IMMP2L: variants seen among roughly 807,000 people sequenced by gnomAD.
IMMP2L encodes mitochondrial inner membrane protease subunit 2.
In IMMP2L, 18 loss-of-function variants were observed where a neutral mutation model predicts 19.3. The observed-to-expected ratio is 0.93, with a 90% CI of 0.64 to 1.38. The LOEUF is 1.38. IMMP2L is among the 40% of genes most tolerant of loss of function. The probability of loss-of-function intolerance (pLI) is 0.00; values close to 1 mark genes in which losing one functional copy is unlikely to be tolerated. For synonymous variants in IMMP2L, 76 were observed against 73.0 expected (o/e 1.04, Z -0.21); for missense variants, 233 against 218.2 (o/e 1.07, Z -0.43).
chr7:111,035,718 A>G (rs936965220), intron 3 of IMMP2L, among the ~76,000 whole-genome samples: 6 of 152,210 alleles, frequency 3.9e-5, no homozygotes, highest in African/African-American at 1.4e-4. Flanking sequence ...ACATCACGTT[A>G]GATAACAATA....
intron 4 of IMMP2L, among the ~76,000 whole-genome samples, chr7:110,910,509 G>A (rs547401074): frequency 2.6e-5 from 4 of 152,248 alleles, no homozygotes; most frequent in East Asian, 3.9e-4. Context: ...TAATAGAAGC[G>A]TTGAATTTTG....
Position 111,030,756 on chromosome 7 carries a change from A to G in IMMP2L, c.240-67191T>C, listed in dbSNP as rs191380814. Among the ~76,000 whole-genome samples, 157 of 152,024 alleles carry G rather than the reference A, an allele frequency of 1.0e-3. 1 individual carries two copies. The highest frequency in any genetic ancestry group is 3.6e-3 in the African/African-American group (148 of 41,504). On this transcript the variant is annotated intron_variant, in intron 3 of 5. Transcript: ENST00000405709. ...TATACTTTAGAGCAAAAATGCATAC[A>G]GTAGGAACAATAAATAAAAGCAAAA... is the stretch of plus-strand genomic sequence containing the variant.
intron 4 of IMMP2L, among the ~76,000 whole-genome samples, chr7:110,961,266 G>C (rs186692669): frequency 4.6e-5 from 7 of 151,874 alleles, no homozygotes; most frequent in African/African-American, 1.7e-4. Context: ...ATCCACAGAT[G>C]CTCAAGTTCT....
At position 110,876,325 on chromosome 7, in the gene IMMP2L, G is replaced by C. The variant is rs564502663; in HGVS notation, c.408+10268C>G. 7.9e-5 allele frequency among the ~76,000 whole-genome samples: 12 copies of C among 152,180 alleles called. No homozygotes were observed. In the South Asian group the frequency reaches 1.7e-3, roughly 21 times the overall value. On this transcript the variant is annotated intron_variant, in intron 5 of 5. Coordinates refer to ENST00000405709, the MANE Select transcript of IMMP2L (RefSeq NM_032549.4). ...AGTAGAAAAGGCTGGTGAAATGAGT[G>C]GGGGGTTAGTTGACATGGATGCTAA...
chr7:111,114,133 TACACACACAC>T (rs71151831), intron 3 of IMMP2L, among the ~76,000 whole-genome samples: 3 of 146,664 alleles, frequency 2.0e-5, no homozygotes, highest in East Asian at 2.0e-4. Flanking sequence ...CACATAAATC[TACACACACAC>T]ACACACACAC....
chr7:111,023,038 C>T (rs1160886155), intron 3 of IMMP2L, among the ~76,000 whole-genome samples: 1 of 152,168 alleles, frequency 6.6e-6, no homozygotes, highest in Non-Finnish European at 1.5e-5. Context: ...AGAAGTCATA[C>T]ATAATGTAGC....
intron 3 of IMMP2L, among the ~76,000 whole-genome samples, chr7:111,072,228 C>G (rs371436787): frequency 6.6e-6 from 1 of 152,168 alleles, no homozygotes; most frequent in Non-Finnish European, 1.5e-5. Context: ...TTTACAACAT[C>G]ATAATAGTAC....
chr7:111,034,656 A>G (rs565528168), intron 3 of IMMP2L, among the ~76,000 whole-genome samples: 46 of 152,262 alleles, frequency 3.0e-4, no homozygotes, highest in Non-Finnish European at 5.1e-4. Context: ...AGTTTGTACC[A>G]TAAGAATTTG....
At chr7:111,542,350 C>T (rs982035691) in intron 1 of IMMP2L, among the ~76,000 whole-genome samples, 10 of 152,200 alleles carry the variant, frequency 6.6e-5, no homozygotes, top group Non-Finnish European at 1.2e-4. Flanking sequence ...TTTTATATCA[C>T]TATGTTAAAC....
chr7:111,226,309 A>G (rs2129622012), intron 3 of IMMP2L, among the ~76,000 whole-genome samples: 1 of 152,046 alleles, frequency 6.6e-6, no homozygotes, highest in Admixed American at 6.6e-5. Context: ...ATGTGCCACC[A>G]TGCCCAGCTA....
At chr7:111,238,352 T>C (rs1342069173) in intron 3 of IMMP2L, among the ~76,000 whole-genome samples, 1 of 152,064 alleles carries the variant, frequency 6.6e-6, no homozygotes, top group South Asian at 2.1e-4. Flanking sequence ...TGTTTGACTT[T>C]GGGCAAGTTA....
rs1807832688 is a variant in IMMP2L at position 111,182,623 on chromosome 7, G to T, written c.240-219058C>A. Among the ~76,000 whole-genome samples the T allele has an allele frequency of 1.3e-5, 2 of 151,872 alleles. 1 individual carries two copies. Among genetic ancestry groups the T allele is most frequent in the Middle Eastern group, 6.8e-3 (2 of 294 alleles). On this transcript the variant is annotated intron_variant, in intron 3 of 5. Transcript: ENST00000405709. ...TACCCACCGAAATTTTTTTCAAGTG[G>T]TATTAAAAAAATAAAGAAAGTCAAT... is the stretch of plus-strand genomic sequence containing the variant.
At chr7:111,237,689 T>C (rs1814497154) in intron 3 of IMMP2L, among the ~76,000 whole-genome samples, 1 of 151,654 alleles carries the variant, frequency 6.6e-6, no homozygotes, top group Admixed American at 6.6e-5. Context: ...ATCTGTTTCT[T>C]TAAAAAAAAA....
At chr7:111,360,721 G>A (rs1433531549) in intron 3 of IMMP2L, among the ~76,000 whole-genome samples, 1 of 152,054 alleles carries the variant, frequency 6.6e-6, no homozygotes, top group East Asian at 1.9e-4. Context: ...GGGATGCTGA[G>A]GCAGGAGAAT....
chr7:111,250,545 C>T lies in IMMP2L; in HGVS notation c.239+236693G>A, dbSNP rs576789187. The stretch of plus-strand genomic sequence containing the variant: ...TAACCAAAACGGCATGATACTGGTA[C>T]AAAAACAGAGACATAGACCAATGGA... On this transcript the variant is annotated intron_variant, in intron 3 of 5. Coordinates refer to ENST00000405709, the MANE Select transcript of IMMP2L (RefSeq NM_032549.4). Among the ~76,000 whole-genome samples the T allele has an allele frequency of 4.6e-5, 7 of 152,198 alleles. No individual in the cohort carries two copies. The South Asian group carries it at 1.5e-3, about 32-fold the overall frequency.
At chr7:111,006,509 A>C (rs1163344847) in intron 3 of IMMP2L, among the ~76,000 whole-genome samples, 1 of 152,178 alleles carries the variant, frequency 6.6e-6, no homozygotes, top group Non-Finnish European at 1.5e-5. Flanking sequence ...TCATTCACTC[A>C]TGAGGCATCT....
At chr7:111,546,535 T>C (rs930221457) in intron 1 of IMMP2L, among the ~76,000 whole-genome samples, 30 of 152,222 alleles carry the variant, frequency 2.0e-4, no homozygotes, top group Non-Finnish European at 1.5e-5. Flanking sequence ...CTTCCTATGA[T>C]ATGAATTGCA....
chr7:111,220,595 T>C (rs1432771546), intron 3 of IMMP2L, among the ~76,000 whole-genome samples: 1 of 151,196 alleles, frequency 6.6e-6, no homozygotes, highest in Non-Finnish European at 1.5e-5. Flanking sequence ...GATGGATGGA[T>C]GGATGGATGG....
intron 5 of IMMP2L, among the ~76,000 whole-genome samples, chr7:110,821,499 C>G (rs1450696362): frequency 6.6e-6 from 1 of 152,082 alleles, no homozygotes; most frequent in African/African-American, 2.4e-5. Context: ...TAAAACAACT[C>G]TCTGAAGGAT....
Sources: allele counts gnomAD v4.1 joint callset (sites outside exome capture counted in the v4.1 genomes callset), GRCh38; gene constraint gnomAD v4.1.1; transcripts MANE v1.5; gene names NCBI Gene and HGNC (gene_info 2026-07-23, HGNC 2026-07-21).